The following MIEF1 variants were observed in gnomAD, a reference collection of about 807,000 sequenced individuals.
MIEF1 encodes the protein mitochondrial elongation factor 1.
In MIEF1, 14 loss-of-function variants were observed where a neutral mutation model predicts 35.1. The ratio of observed to expected loss-of-function variants is 0.40; its 90% CI spans 0.26 to 0.62. The LOEUF is 0.62. Ranked by LOEUF, MIEF1 falls within the 20% of genes least tolerant of loss-of-function variation. The pLI is 0.43. For synonymous variants in MIEF1, 245 were observed against 254.3 expected, an observed-to-expected ratio of 0.96 and a Z score of 0.35; for missense variants, 542 against 615.4, an observed-to-expected ratio of 0.88 and a Z score of 1.26.
chr22:39,501,403 G>A (rs931675081), upstream of MIEF1, among the ~76,000 whole-genome samples: 6 of 152,226 alleles, frequency 3.9e-5, no homozygotes, highest in Non-Finnish European at 8.8e-5. Context: ...ACAGCCCCAA[G>A]GCTGGGTGAG....
chr22:39,512,970 G>A (rs1193974937), intron 5 of MIEF1, among the ~76,000 whole-genome samples: 5 of 152,188 alleles, frequency 3.3e-5, no homozygotes, highest in African/African-American at 9.6e-5. Context: ...GTCTTTAATC[G>A]TTTCTCATGT....
At position 39,515,284 on chromosome 22, in the gene MIEF1, G is replaced by C. The variant is rs1930598557; in HGVS notation, c.*961G>C. The C allele has an allele frequency of 4.2e-6, 3 of 717,582 alleles. No individual in the cohort carries two copies. Among genetic ancestry groups the C allele is most frequent in the Middle Eastern group, 4.6e-4 (2 of 4,370 alleles). 44.5% of individuals were successfully genotyped at this position (717,582 alleles called of 1,614,324 possible). On this transcript the variant is annotated 3_prime_UTR_variant, in exon 6 of 6. Transcript: ENST00000325301. Reference sequence around the variant, plus strand: ...ACATCAGGTGAGGATGATGGAGGTAGACAGTCGACTGAATGTCAGCTGGAA... The same window carrying C: ...ACATCAGGTGAGGATGATGGAGGTACACAGTCGACTGAATGTCAGCTGGAA...
intron 2 of MIEF1, among the ~76,000 whole-genome samples, chr22:39,505,350 A>G (rs1168428326): frequency 6.6e-6 from 1 of 152,102 alleles, no homozygotes; most frequent in East Asian, 1.9e-4. Context: ...GTGCTCAGCT[A>G]ATTTTTTATT....
At chr22:39,501,905 G>C (rs1245161775), upstream of MIEF1, 2 of 152,628 alleles carry the variant, frequency 1.3e-5, no homozygotes, top group Non-Finnish European at 2.9e-5. Context: ...GTTTTGAGGA[G>C]CTCTGAATAT....
chr22:39,502,908 A>G (rs961409305), intron 1 of MIEF1: 1 of 152,208 alleles, frequency 6.6e-6, no homozygotes, highest in Admixed American at 6.5e-5. Flanking sequence ...TTGCGCAGGA[A>G]GTTAGCAAGG....
rs1269246250 is a variant in MIEF1, at chr22:39,511,941, C to G, written c.237C>G (p.Ser79=). The G allele has an allele frequency of 4.9e-5, 79 of 1,614,206 alleles. No individual in the cohort carries two copies. Among genetic ancestry groups the G allele is most frequent in the Non-Finnish European group, 6.5e-5 (77 of 1,180,044 alleles). Residue 79 remains serine, a synonymous_variant, in exon 4 of 6, where the codon TCC becomes TCG. Coordinates refer to ENST00000325301, the MANE Select transcript of MIEF1 (RefSeq NM_019008.6). The part of the protein sequence containing the change: ...RSWEEPNWMG[S]PRLLNRDMKT... ...GGGAAGAACCCAACTGGATGGGCTC[C>G]CCACGACTGCTGAACAGGGACATGA...
At position 39,514,632 on chromosome 22, in the gene MIEF1, G is replaced by A; in HGVS notation, c.*309G>A. On this transcript the variant is annotated 3_prime_UTR_variant, in exon 6 of 6. Coordinates refer to ENST00000325301, the MANE Select transcript of MIEF1 (RefSeq NM_019008.6). ...TGGACCACTTGGTGTTTTGCGTTTT[G>A]GCCCATGTTTGCTGCCTCTATCTGG... 2.5e-6 allele frequency: 1 copy of A among 406,582 alleles called. No homozygotes were observed. Among genetic ancestry groups the A allele is most frequent in the Non-Finnish European group, 4.5e-6 (1 of 223,188 alleles). The allele number at this position is 406,582 out of a possible 1,614,324, so 25.2% of individuals were successfully genotyped here.
At position 39,514,481 on chromosome 22, in the gene MIEF1, C is replaced by A; in HGVS notation, c.*158C>A. On this transcript the variant is annotated 3_prime_UTR_variant, in exon 6 of 6. Coordinates refer to ENST00000325301, the MANE Select transcript of MIEF1 (RefSeq NM_019008.6). ...ATGCTGATTAGAATGACATCTCTTT[C>A]GTCTCCTATTTTGTTACCCAACTCT... 1 of 690,050 alleles carries A rather than the reference C, an allele frequency of 1.4e-6. No homozygotes were observed. The highest frequency in any genetic ancestry group is 2.4e-6 in the Non-Finnish European group (1 of 416,532). The allele number at this position is 690,050 out of a possible 1,614,324, so 42.7% of individuals were successfully genotyped here.
Position 39,517,818 on chromosome 22 carries a change from T to C in MIEF1, c.*3495T>C. The C allele has an allele frequency of 6.3e-6, 2 of 318,436 alleles. No homozygotes were observed. Among genetic ancestry groups the C allele is most frequent in the Non-Finnish European group, 1.3e-5 (2 of 159,750 alleles). The allele number at this position is 318,436 out of a possible 1,614,324, so 19.7% of individuals were successfully genotyped here. ...CAGAGAGGTGGGTTCCATGGTCAAA[T>C]GCACAGTAGGTGTTTACCTTTACAT... On this transcript the variant is annotated 3_prime_UTR_variant, in exon 6 of 6. Transcript: ENST00000325301.
rs544907575 is a variant in MIEF1 at position 39,515,165 on chromosome 22, G to T, written c.*842G>T. On this transcript the variant is annotated 3_prime_UTR_variant, in exon 6 of 6. Coordinates refer to ENST00000325301, the MANE Select transcript of MIEF1 (RefSeq NM_019008.6). ...GGTCAGACAGACAAGGATGGGGACT[G>T]CCAGGGCACCACTTCATCATGAATG... The T allele has an allele frequency of 6.9e-5, 46 of 661,938 alleles. No homozygotes were observed. Among genetic ancestry groups the T allele is most frequent in the Non-Finnish European group, 1.2e-4 (43 of 356,102 alleles). The allele number at this position is 661,938 out of a possible 1,614,324, so 41.0% of individuals were successfully genotyped here. A position where few individuals can be genotyped will look rare whatever the true frequency, so the allele number is the denominator to read the frequency against.
At chr22:39,507,153 T>A (rs1466063438) in intron 2 of MIEF1, among the ~76,000 whole-genome samples, 3 of 152,214 alleles carry the variant, frequency 2.0e-5, no homozygotes, top group Non-Finnish European at 2.9e-5. Context: ...CTGTTGAGCT[T>A]GTGGATGCCG....
At chr22:39,513,091 C>A (rs1055135533) in intron 5 of MIEF1, among the ~76,000 whole-genome samples, 2 of 150,318 alleles carry the variant, frequency 1.3e-5, no homozygotes, top group Non-Finnish European at 3.0e-5. Context: ...TGCATGGTGA[C>A]ATGAAAGAAT....
intron 2 of MIEF1, among the ~76,000 whole-genome samples, chr22:39,505,994 A>G (rs1323455185): frequency 1.3e-5 from 2 of 152,150 alleles, no homozygotes; most frequent in Non-Finnish European, 1.5e-5. Flanking sequence ...TAGGATTGGC[A>G]TATCTGCCTT....
rs1930550268 is a variant in MIEF1, at chr22:39,514,443, C to G, written c.*120C>G. 1.1e-6 allele frequency: 1 copy of G among 909,524 alleles called. No homozygotes were observed. The highest frequency in any genetic ancestry group is 2.3e-5 in the Admixed American group (1 of 43,922). 56.3% of individuals were successfully genotyped at this position (909,524 alleles called of 1,614,324 possible). A position where few individuals can be genotyped will look rare whatever the true frequency, so the allele number is the denominator to read the frequency against. The stretch of plus-strand genomic sequence containing the variant: ...CTGCCTGGTGTCTTGCTGATCATCA[C>G]CCTGGTCACTTCATGCTGATTAGAA... On this transcript the variant is annotated 3_prime_UTR_variant, in exon 6 of 6. Transcript: ENST00000325301.
upstream of MIEF1, among the ~76,000 whole-genome samples, chr22:39,500,867 T>C (rs1929667275): frequency 1.3e-5 from 2 of 151,960 alleles, no homozygotes; most frequent in Admixed American, 1.3e-4. Context: ...GGCTAATTTT[T>C]GTATTTTTAG....
At chr22:39,507,536 T>C (rs552304820) in intron 2 of MIEF1, among the ~76,000 whole-genome samples, 66 of 148,410 alleles carry the variant, frequency 4.4e-4, no homozygotes, top group Middle Eastern at 3.4e-3. Context: ...TGAGCCACCG[T>C]ACCCGGCCGA....
intron 1 of MIEF1, chr22:39,503,876 T>A (rs1929879944): frequency 5.7e-6 from 1 of 176,796 alleles, no homozygotes; most frequent in Non-Finnish European, 1.2e-5. Flanking sequence ...TAATCCTATG[T>A]GGTAGGTACT....
chr22:39,505,194 CA>C (rs150106942), intron 2 of MIEF1, among the ~76,000 whole-genome samples: 24 of 145,650 alleles, frequency 1.6e-4, no homozygotes, highest in African/African-American at 4.5e-4. Flanking sequence ...ACTCCGTCTC[CA>C]AAAAAAAAAG....
At chr22:39,500,701 T>C (rs1310324340), upstream of MIEF1, among the ~76,000 whole-genome samples, 1 of 151,744 alleles carries the variant, frequency 6.6e-6, no homozygotes, top group Non-Finnish European at 1.5e-5. Flanking sequence ...TTCTTTTCTT[T>C]TTCTTTTTTT....
Sources: gnomAD v4.1 joint callset for allele counts (sites outside exome capture counted in the v4.1 genomes callset) on GRCh38, gnomAD v4.1.1 for gene constraint, MANE v1.5 for transcripts, NCBI Gene and HGNC (gene_info 2026-07-23, HGNC 2026-07-21) for gene names.